The following ZIM3 variants were observed in gnomAD, a reference collection of about 807,000 sequenced individuals.
The protein encoded by ZIM3 is zinc finger imprinted 3, also known as zinc finger protein 657.
In ZIM3, 11 loss-of-function variants were observed where a neutral mutation model predicts 12.9. The ratio of observed to expected loss-of-function variants is 0.85; its 90% CI spans 0.54 to 1.41. ZIM3 has a LOEUF of 1.41. Among genes scored for constraint, ZIM3 ranks in the 40% most tolerant of loss-of-function variants. The pLI is 0.00. For synonymous variants in ZIM3, 205 were observed against 198.5 expected (o/e 1.03, Z -0.28); for missense variants, 604 against 557.2 (o/e 1.08, Z -0.85).
At chr19:57,143,603 G>A (rs1431276198) in intron 1 of ZIM3, among the ~76,000 whole-genome samples, 1 of 151,854 alleles carries the variant, frequency 6.6e-6, no homozygotes, top group Non-Finnish European at 1.5e-5. Flanking sequence ...TTGGCCACGC[G>A]TGGCAGCTCA....
At position 57,136,280 on chromosome 19, in the gene ZIM3, A is replaced by G. The variant is rs536356322; in HGVS notation, c.242-185T>C. Reference sequence around the variant, plus strand: ...CTAATGTTACATGAAGCTATCACATATCTGTCTGTAAAGGACTGAGCAACG... The same window carrying G: ...CTAATGTTACATGAAGCTATCACATGTCTGTCTGTAAAGGACTGAGCAACG... On this transcript the variant is annotated intron_variant, in intron 4 of 4. Transcript: ENST00000269834. Among the ~76,000 whole-genome samples the G allele has an allele frequency of 8.7e-4, 133 of 152,324 alleles. 1 individual carries two copies. The highest frequency in any genetic ancestry group is 3.0e-3 in the African/African-American group (126 of 41,584).
At chr19:57,139,125 G>A (rs375975253) in intron 2 of ZIM3, among the ~76,000 whole-genome samples, 2 of 151,980 alleles carry the variant, frequency 1.3e-5, no homozygotes, top group Non-Finnish European at 2.9e-5. Context: ...TCAGGAGTTC[G>A]AGACCAGTCT....
In ZIM3 at chr19:57,136,671, AAAAAAG is replaced by A. The variant is rs2086888503; in HGVS notation, c.241+196_241+201del. Among the ~76,000 whole-genome samples, 3 of 78,270 alleles carry A rather than the reference AAAAAAG, an allele frequency of 3.8e-5. No individual in the cohort carries two copies. The East Asian group carries it at 4.2e-3, about 111-fold the overall frequency. 51.3% of individuals were successfully genotyped at this position (78,270 alleles called of 152,430 possible). A position where few individuals can be genotyped will look rare whatever the true frequency, so the allele number is the denominator to read the frequency against. On this transcript the variant is annotated intron_variant, in intron 4 of 4. Coordinates refer to ENST00000269834, the MANE Select transcript of ZIM3 (RefSeq NM_052882.1). ...AGAGACTCCGTTTCCAGAAAAAAAA[AAAAAAG>A]AAAAAAAAAAGAGTTTGCCTGCAAA...
intron 1 of ZIM3, among the ~76,000 whole-genome samples, chr19:57,143,334 A>AC (rs2086923220): frequency 7.0e-6 from 1 of 142,142 alleles, no homozygotes. Flanking sequence ...CCGTCCCAAA[A>AC]AAAAAAAAAA....
At chr19:57,143,288 G>A (rs555152378) in intron 1 of ZIM3, among the ~76,000 whole-genome samples, 8 of 150,574 alleles carry the variant, frequency 5.3e-5, no homozygotes, top group South Asian at 2.1e-4. Flanking sequence ...CCGAGATCGC[G>A]CCACCGCACT....
chr19:57,140,072 A>G (rs1159730420), intron 2 of ZIM3, among the ~76,000 whole-genome samples: 2 of 152,066 alleles, frequency 1.3e-5, no homozygotes, highest in African/African-American at 4.8e-5. Context: ...GAAACTGAAA[A>G]TCTCACCTCT....
In ZIM3 at chr19:57,136,040, A is replaced by G; in HGVS notation, c.297T>C (p.Ser99=). Residue 99 remains serine (S), a synonymous_variant, in exon 5 of 5, where the codon AGT becomes AGC. Coordinates refer to ENST00000269834, the MANE Select transcript of ZIM3 (RefSeq NM_052882.1). ...TGATTGATGGGACTTCTCTTGCGAG[A>G]CTCTCTTTCACATCCTTTGGCTTCC... is the stretch of plus-strand genomic sequence containing the variant. ...QIWKPKDVKE[S]LAREVPSINK... is the part of the protein sequence containing the mutation. 1 of 1,613,848 alleles carries G rather than the reference A, an allele frequency of 6.2e-7. No individual in the cohort carries two copies. The highest frequency in any genetic ancestry group is 8.5e-7 in the Non-Finnish European group (1 of 1,179,950).
intron 1 of ZIM3, among the ~76,000 whole-genome samples, chr19:57,144,461 A>T (rs1386170117): frequency 1.4e-5 from 2 of 146,954 alleles, no homozygotes; most frequent in African/African-American, 2.6e-5. Context: ...AAAAATATAT[A>T]TAATTTTAAA....
intron 2 of ZIM3, among the ~76,000 whole-genome samples, chr19:57,140,992 C>T (rs1469077605): frequency 1.3e-5 from 2 of 152,100 alleles, no homozygotes; most frequent in East Asian, 3.9e-4. Flanking sequence ...TGGGAGAGGA[C>T]ACACATTCAA....
In ZIM3 at chr19:57,138,556, C is replaced by A; in HGVS notation, c.58G>T (p.Gly20Trp). The change falls in exon 3 of 5, where the codon GGG becomes TGG. Residue 20 changes from glycine to tryptophan, a missense_variant. Transcript: ENST00000269834. ...FEDVTVNFTQ[G>W]EWQRLNPEQR... ...TCGGGATTCAGCCGCTGCCACTCCC[C>A]CTGGGTGAAGTTCACAGTGACATCC... 6.2e-7 allele frequency: 1 copy of A among 1,614,156 alleles called. No individual in the cohort carries two copies.
chr19:57,138,417 C>T, intron 3 of ZIM3, 55 bp downstream of exon 3: 1 of 1,613,082 alleles, frequency 6.2e-7, no homozygotes, highest in Non-Finnish European at 8.5e-7. Context: ...CATGGGGTGT[C>T]TGTGTGTTTC....
At chr19:57,136,210 C>A in intron 4 of ZIM3, 115 bp from the exon 5 acceptor site, 1 of 942,478 alleles carries the variant, frequency 1.1e-6, no homozygotes, top group South Asian at 1.6e-5. Context: ...CTAATGTCTA[C>A]GAGAAACCAA....
intron 3 of ZIM3, among the ~76,000 whole-genome samples, chr19:57,138,054 A>AAGGAAGGAAGGAAG (rs2086897191): frequency 2.2e-5 from 1 of 45,738 alleles, no homozygotes; most frequent in Non-Finnish European, 3.6e-5. Context: ...AAGGAAGGAA[A>AAGGAAGGAAGGAAG]GAAGGAAGGA....
At chr19:57,144,801 A>AAACAAAC (rs2122673841) in intron 1 of ZIM3, 58 bp downstream of exon 1, 1 of 152,030 alleles carries the variant, frequency 6.6e-6, no homozygotes, top group African/African-American at 2.4e-5. Context: ...AATGCAAAAC[A>AAACAAAC]AACAAACAAA....
Position 57,134,724 on chromosome 19 carries a change from T to C in ZIM3, c.*194A>G. On this transcript the variant is annotated 3_prime_UTR_variant, in exon 5 of 5. Transcript: ENST00000269834. ...AAGAGTTCCTGGTACACAAAAGGCA[T>C]CTAATAAATATTTATACTTAATAAA... 1.8e-6 allele frequency: 1 copy of C among 565,320 alleles called. No homozygotes were observed. Among genetic ancestry groups the C allele is most frequent in the Non-Finnish European group, 3.1e-6 (1 of 326,342 alleles). 35.0% of individuals were successfully genotyped at this position (565,320 alleles called of 1,614,324 possible). A position where few individuals can be genotyped will look rare whatever the true frequency, so the allele number is the denominator to read the frequency against.
chr19:57,143,404 A>C (rs8113009), intron 1 of ZIM3, among the ~76,000 whole-genome samples: 13,121 of 151,966 alleles, frequency 0.086, 1,783 homozygotes, highest in African/African-American at 0.29. Context: ...GCCTGTGCAA[A>C]GACAATGAGG....
Position 57,134,244 on chromosome 19 carries a change from C to T in ZIM3, c.*674G>A, listed in dbSNP as rs2086874448. On this transcript the variant is annotated 3_prime_UTR_variant, in exon 5 of 5. Coordinates refer to ENST00000269834, the MANE Select transcript of ZIM3 (RefSeq NM_052882.1). ...CCACTCATGAATTATAGAAATCATCCCTAAAAGTATAAAGTGCTGTCTTAT... is the reference window on the plus strand; with the variant it reads ...CCACTCATGAATTATAGAAATCATCTCTAAAAGTATAAAGTGCTGTCTTAT... The T allele has an allele frequency of 6.6e-6, 1 of 152,148 alleles. No homozygotes were observed. The highest frequency in any genetic ancestry group is 2.1e-4 in the South Asian group (1 of 4,822). 9.4% of individuals were successfully genotyped at this position (152,148 alleles called of 1,614,324 possible).
At chr19:57,140,608 G>T (rs1311062014) in intron 2 of ZIM3, among the ~76,000 whole-genome samples, 1 of 152,084 alleles carries the variant, frequency 6.6e-6, no homozygotes, top group Non-Finnish European at 1.5e-5. Flanking sequence ...CAGAATAGCT[G>T]GGACTACAGG....
chr19:57,142,285 A>G (rs1260769911), intron 2 of ZIM3, among the ~76,000 whole-genome samples: 1 of 151,826 alleles, frequency 6.6e-6, no homozygotes, highest in Admixed American at 6.6e-5. Context: ...CTGAGACTAC[A>G]GGTGTACGCC....
Sources: allele counts gnomAD v4.1 joint callset (sites outside exome capture counted in the v4.1 genomes callset), GRCh38; gene constraint gnomAD v4.1.1; transcripts MANE v1.5; gene names NCBI Gene and HGNC (gene_info 2026-07-23, HGNC 2026-07-21).